The following SLC17A1 variants were observed in gnomAD, a reference collection of about 807,000 sequenced individuals.
The protein encoded by SLC17A1 is sodium-dependent phosphate transport protein 1.
In SLC17A1, 51 loss-of-function variants were observed where a neutral mutation model predicts 53.5. The ratio of observed to expected loss-of-function variants is 0.95; its 90% CI spans 0.76 to 1.20. The LOEUF (loss-of-function observed/expected upper bound fraction) is 1.20. SLC17A1 is among the 50% of genes most tolerant of loss of function. The probability of loss-of-function intolerance (pLI) is 0.00; values close to 1 mark genes in which losing one functional copy is unlikely to be tolerated. For synonymous variants in SLC17A1, 179 were observed against 198.8 expected (o/e 0.90, Z 0.84); for missense variants, 538 against 568.2 (o/e 0.95, Z 0.54).
chr6:25,813,652 G>A (rs560855463), intron 6 of SLC17A1, among the ~76,000 whole-genome samples: 6 of 152,246 alleles, frequency 3.9e-5, no homozygotes, highest in South Asian at 4.1e-4. Flanking sequence ...TGGGTTTATT[G>A]TACAGATTAT....
chr6:25,762,460 G>A, the SLC17A1 span, among the ~76,000 whole-genome samples: 1 of 152,130 alleles, frequency 6.6e-6, no homozygotes, highest in Admixed American at 6.6e-5. Flanking sequence ...TGTCATAGAA[G>A]TCACCTTTCT....
chr6:25,757,904 G>A, the SLC17A1 span, among the ~76,000 whole-genome samples: 11 of 152,270 alleles, frequency 7.2e-5, no homozygotes, highest in Non-Finnish European at 1.5e-4. Flanking sequence ...CAGGCAGTCC[G>A]CCCTGTCTTT....
chr6:25,784,994 C>A (rs949691393), intron 12 of SLC17A1, among the ~76,000 whole-genome samples: 2 of 152,084 alleles, frequency 1.3e-5, no homozygotes, highest in Non-Finnish European at 2.9e-5. Context: ...ATGATATAAT[C>A]TTGCTTACAG....
intron 1 of SLC17A1, among the ~76,000 whole-genome samples, chr6:25,831,289 AG>A (rs1581509206): frequency 6.6e-6 from 1 of 152,162 alleles, no homozygotes; most frequent in African/African-American, 2.4e-5. Context: ...TGTGCTGGTC[AG>A]GTTAGACCTC....
intron 12 of SLC17A1, among the ~76,000 whole-genome samples, chr6:25,794,676 C>T (rs1206482237): frequency 2.0e-5 from 3 of 152,138 alleles, no homozygotes; most frequent in African/African-American, 7.2e-5. Flanking sequence ...TCACAGCTGT[C>T]TACTAAACTC....
the SLC17A1 span, among the ~76,000 whole-genome samples, chr6:25,733,782 C>CTGTG: frequency 1.4e-3 from 199 of 144,630 alleles, 1 homozygote; most frequent in African/African-American, 4.6e-3. Context: ...AAGCCTAATA[C>CTGTG]TGTGTGTGTG....
At chr6:25,728,552 A>C in the SLC17A1 span, among the ~76,000 whole-genome samples, 5 of 152,206 alleles carry the variant, frequency 3.3e-5, no homozygotes, top group Non-Finnish European at 7.3e-5. Context: ...GCGGTGGCTC[A>C]CGCATGTAAT....
At chr6:25,769,098 G>GC in the SLC17A1 span, 1 of 1,614,004 alleles carries the variant, frequency 6.2e-7, no homozygotes, top group South Asian at 1.1e-5. Flanking sequence ...GAACAACACA[G>GC]CCCCACCTAG....
the SLC17A1 span, among the ~76,000 whole-genome samples, chr6:25,757,137 C>T: frequency 2.6e-5 from 4 of 152,168 alleles, no homozygotes; most frequent in African/African-American, 9.7e-5. Flanking sequence ...CATGGTCTAA[C>T]ATCTGTGGTT....
rs73733814 is a variant in SLC17A1, at chr6:25,792,148, A to G, written c.*2+6635T>C. ...TCCCTGAAAATCTGCATCCTTTTAT[A>G]TTTGGGACTTCCAGCATTCACCTGA... On this transcript the variant is annotated intron_variant, in intron 12 of 12. Transcript: ENST00000244527. Among the ~76,000 whole-genome samples, 905 of 152,240 alleles carry G rather than the reference A, an allele frequency of 5.9e-3. 7 individuals carry two copies. The highest frequency in any genetic ancestry group is 0.034 in the Middle Eastern group (10 of 294).
chr6:25,733,145 GAGCAGTGATTAT>G, the SLC17A1 span, among the ~76,000 whole-genome samples: 10 of 152,172 alleles, frequency 6.6e-5, no homozygotes, highest in Non-Finnish European at 1.5e-4. Flanking sequence ...CAGGTAGGCA[GAGCAGTGATTAT>G]AGCAGGCTCC....
At chr6:25,752,769 A>G in the SLC17A1 span, among the ~76,000 whole-genome samples, 45 of 152,096 alleles carry the variant, frequency 3.0e-4, no homozygotes, top group African/African-American at 9.4e-4. Flanking sequence ...TGGCTAACAC[A>G]GTGAAACCCC....
At chr6:25,772,505 TA>T in the SLC17A1 span, among the ~76,000 whole-genome samples, 1 of 152,174 alleles carries the variant, frequency 6.6e-6, no homozygotes, top group Non-Finnish European at 1.5e-5. Flanking sequence ...CTTAAGATTC[TA>T]AAAAGGGAAT....
the SLC17A1 span, chr6:25,726,233 C>T: frequency 1.9e-6 from 3 of 1,613,330 alleles, no homozygotes; most frequent in Non-Finnish European, 2.5e-6. Context: ...GTCACGCCGC[C>T]CAAAAGCTTA....
chr6:25,756,796 G>C, the SLC17A1 span, among the ~76,000 whole-genome samples: 3 of 152,152 alleles, frequency 2.0e-5, no homozygotes, highest in Non-Finnish European at 4.4e-5. Context: ...AATATTTACT[G>C]AATCAATGAA....
At chr6:25,805,528 A>G (rs2151485659) in intron 10 of SLC17A1, among the ~76,000 whole-genome samples, 1 of 152,224 alleles carries the variant, frequency 6.6e-6, no homozygotes, top group East Asian at 1.9e-4. Context: ...AACAAAGATC[A>G]GAGTAGAACT....
At chr6:25,777,233 A>T in the SLC17A1 span, 2 of 388,918 alleles carry the variant, frequency 5.1e-6, no homozygotes, top group Non-Finnish European at 4.6e-6. Flanking sequence ...CTGTTGAGGA[A>T]TGCAGCACTT....
downstream of SLC17A1, among the ~76,000 whole-genome samples, chr6:25,778,517 C>G (rs1763125936): frequency 6.6e-6 from 1 of 152,106 alleles, no homozygotes; most frequent in Non-Finnish European, 1.5e-5. Context: ...TCCTGTCATT[C>G]AATGACTTAT....
At chr6:25,814,274 G>A (rs1480192299) in intron 6 of SLC17A1, among the ~76,000 whole-genome samples, 2 of 152,086 alleles carry the variant, frequency 1.3e-5, no homozygotes, top group African/African-American at 4.8e-5. Flanking sequence ...TAAGTACTGG[G>A]GATACAGCAG....
Sources: gnomAD v4.1 joint callset for allele counts (sites outside exome capture counted in the v4.1 genomes callset) on GRCh38, gnomAD v4.1.1 for gene constraint, MANE v1.5 for transcripts, NCBI Gene and HGNC (gene_info 2026-07-23, HGNC 2026-07-21) for gene names.